Variants in MYRIP observed in about 807,000 individuals in gnomAD.
MYRIP encodes myosin VIIA and Rab interacting protein, also known as rab effector MyRIP.
A neutral mutation model predicts 98.0 loss-of-function variants in MYRIP; 49 were observed. The observed-to-expected ratio is 0.50, with a 90% CI of 0.40 to 0.63. MYRIP has a LOEUF of 0.63. Ranked by LOEUF, MYRIP falls within the 30% of genes least tolerant of loss-of-function variation. The pLI is 0.00. For missense variants in MYRIP, 1,004 were observed against 1,058.2 expected (o/e 0.95, Z 0.71); for synonymous variants, 404 against 409.5 (o/e 0.99, Z 0.16).
At chr3:40,182,459 C>T (rs1166196331) in intron 9 of MYRIP, 86 bp downstream of exon 9, 2 of 1,448,120 alleles carry the variant, frequency 1.4e-6, no homozygotes, top group African/African-American at 2.8e-5. Flanking sequence ...GGCCACTCTG[C>T]TCTTCTTCCC....
chr3:40,101,663 T>A (rs1022719313), intron 3 of MYRIP, among the ~76,000 whole-genome samples: 1 of 152,238 alleles, frequency 6.6e-6, no homozygotes, highest in Non-Finnish European at 1.5e-5. Flanking sequence ...GTGTTTAATT[T>A]ACACAATAAT....
At chr3:39,915,420 T>A (rs1944129599) in intron 2 of MYRIP, among the ~76,000 whole-genome samples, 1 of 151,976 alleles carries the variant, frequency 6.6e-6, no homozygotes, top group South Asian at 2.1e-4. Flanking sequence ...CTCAAAAAAT[T>A]ATACATCTCT....
chr3:39,849,823 T>C (rs561192504), intron 1 of MYRIP, among the ~76,000 whole-genome samples: 6 of 152,286 alleles, frequency 3.9e-5, no homozygotes, highest in African/African-American at 1.4e-4. Context: ...CCTGACCCTT[T>C]TGACTTATAA....
chr3:39,860,446 A>G (rs1462145073), intron 1 of MYRIP, among the ~76,000 whole-genome samples: 2 of 152,162 alleles, frequency 1.3e-5, no homozygotes, highest in Non-Finnish European at 2.9e-5. Context: ...AGGAGACTTT[A>G]GCCTTTGGGG....
intron 1 of MYRIP, among the ~76,000 whole-genome samples, chr3:39,852,555 G>C (rs903354265): frequency 2.0e-5 from 3 of 148,244 alleles, no homozygotes; most frequent in African/African-American, 5.3e-5. Context: ...CCTTCCCCCT[G>C]AGTCCCCAAA....
At chr3:40,021,566 G>A (rs565522074) in intron 2 of MYRIP, among the ~76,000 whole-genome samples, 73 of 152,298 alleles carry the variant, frequency 4.8e-4, no homozygotes, top group African/African-American at 1.6e-3. Flanking sequence ...AACCAAGAGC[G>A]TGATGACAGT....
At chr3:39,930,715 AG>A (rs1944520240) in intron 2 of MYRIP, among the ~76,000 whole-genome samples, 1 of 152,072 alleles carries the variant, frequency 6.6e-6, no homozygotes, top group South Asian at 2.1e-4. Flanking sequence ...GAAGTAAAAT[AG>A]GATTCCAACT....
rs1373789864 is a variant in MYRIP at position 40,123,385 on chromosome 3, C to G, written c.333-27663C>G. On this transcript the variant is annotated intron_variant, in intron 3 of 16. Coordinates refer to ENST00000302541, the MANE Select transcript of MYRIP (RefSeq NM_015460.4). ...GACATTTCCAAACATGGGCAGTTCT[C>G]TGACTGAAAATGGGGCCTCAGCTGG... Among the ~76,000 whole-genome samples the G allele has an allele frequency of 2.6e-5, 4 of 152,322 alleles. No individual in the cohort carries two copies. In the South Asian group the frequency reaches 6.2e-4, roughly 24 times the overall value.
chr3:40,022,880 C>T (rs1370198130), intron 2 of MYRIP, among the ~76,000 whole-genome samples: 9 of 152,040 alleles, frequency 5.9e-5, no homozygotes, highest in African/African-American at 1.9e-4. Context: ...GTATTTTAGA[C>T]GTTTTGAGTT....
At chr3:39,842,173 G>A (rs1042788372) in intron 1 of MYRIP, among the ~76,000 whole-genome samples, 3 of 152,198 alleles carry the variant, frequency 2.0e-5, no homozygotes, top group Non-Finnish European at 2.9e-5. Context: ...GAGGAATCTA[G>A]AGAGGCAGTC....
At chr3:39,881,851 G>A (rs1029324909) in intron 1 of MYRIP, among the ~76,000 whole-genome samples, 1 of 151,604 alleles carries the variant, frequency 6.6e-6, no homozygotes, top group Non-Finnish European at 1.5e-5. Context: ...TCCTTCCTAC[G>A]TACTTCCATC....
chr3:40,076,021 C>T (rs1252831794), intron 3 of MYRIP, among the ~76,000 whole-genome samples: 3 of 152,006 alleles, frequency 2.0e-5, no homozygotes, highest in Non-Finnish European at 1.5e-5. Context: ...CGTGGTAAAA[C>T]CTCATCTCTA....
chr3:40,119,077 T>C (rs968617826), intron 3 of MYRIP, among the ~76,000 whole-genome samples: 1 of 152,072 alleles, frequency 6.6e-6, no homozygotes, highest in African/African-American at 2.4e-5. Context: ...TGATTTATAA[T>C]CCTCTGGGTA....
chr3:40,034,965 T>C (rs1304374632), intron 2 of MYRIP, among the ~76,000 whole-genome samples: 4 of 150,656 alleles, frequency 2.7e-5, no homozygotes, highest in Non-Finnish European at 5.9e-5. Flanking sequence ...CAGTAAACTA[T>C]CGCACAGACA....
intron 8 of MYRIP, among the ~76,000 whole-genome samples, chr3:40,178,520 C>T (rs1950817960): frequency 6.6e-6 from 1 of 152,160 alleles, no homozygotes; most frequent in East Asian, 1.9e-4. Flanking sequence ...CCTTGCCTTA[C>T]CCTTGGCCAT....
At chr3:39,849,616 G>A (rs1942066533) in intron 1 of MYRIP, among the ~76,000 whole-genome samples, 1 of 152,166 alleles carries the variant, frequency 6.6e-6, no homozygotes, top group Admixed American at 6.5e-5. Context: ...TTGTCTCTTA[G>A]TTGTGTAAAT....
chr3:40,026,031 GT>G (rs1947118859), intron 2 of MYRIP, among the ~76,000 whole-genome samples: 1 of 152,062 alleles, frequency 6.6e-6, no homozygotes, highest in Non-Finnish European at 1.5e-5. Context: ...CCAGGGTGTG[GT>G]TTTTCCCCAC....
intron 2 of MYRIP, among the ~76,000 whole-genome samples, chr3:39,924,963 A>G (rs1313618308): frequency 6.6e-6 from 1 of 151,978 alleles, no homozygotes; most frequent in Non-Finnish European, 1.5e-5. Context: ...CTAAAGTAGT[A>G]CATAGAAGAA....
At chr3:40,177,922 T>A (rs1950802440) in intron 8 of MYRIP, among the ~76,000 whole-genome samples, 1 of 152,204 alleles carries the variant, frequency 6.6e-6, no homozygotes, top group African/African-American at 2.4e-5. Context: ...TGTTGTTTCC[T>A]TCCTCACGTT....
Sources: allele counts gnomAD v4.1 joint callset (sites outside exome capture counted in the v4.1 genomes callset), GRCh38; gene constraint gnomAD v4.1.1; transcripts MANE v1.5; gene names NCBI Gene and HGNC (gene_info 2026-07-23, HGNC 2026-07-21).